The following SGMS1 variants were observed in gnomAD, a reference collection of about 807,000 sequenced individuals.
SGMS1 encodes the protein phosphatidylcholine:ceramide cholinephosphotransferase 1.
SGMS1 carries 13 observed loss-of-function variants against 46.2 expected under a neutral mutation model. That is an observed-to-expected ratio of 0.28 (90% CI 0.18 to 0.45). The LOEUF (loss-of-function observed/expected upper bound fraction) is 0.45. Among genes scored for constraint, SGMS1 ranks in the 20% least tolerant of loss-of-function variants. SGMS1 has a pLI of 1.00. For synonymous variants in SGMS1, 203 were observed against 187.8 expected (o/e 1.08, Z -0.66); for missense variants, 324 against 519.9 (o/e 0.62, Z 3.66).
chr10:50,318,642 A>C (rs1847388472), intron 8 of SGMS1, among the ~76,000 whole-genome samples: 2 of 152,182 alleles, frequency 1.3e-5, no homozygotes, highest in African/African-American at 4.8e-5. Flanking sequence ...TACATATAGT[A>C]ATCACTCCAC....
intron 2 of SGMS1, among the ~76,000 whole-genome samples, chr10:50,578,511 A>G (rs11006191): frequency 0.13 from 19,616 of 152,152 alleles, 1,659 homozygotes; most frequent in Non-Finnish European, 0.19. Flanking sequence ...GTATTTTAAC[A>G]CCTGAAATAA....
intron 3 of SGMS1, among the ~76,000 whole-genome samples, chr10:50,469,089 G>T (rs1380245805): frequency 6.6e-6 from 1 of 152,156 alleles, no homozygotes; most frequent in Non-Finnish European, 1.5e-5. Flanking sequence ...TTTGTCCAAG[G>T]TCAAACTTTG....
intron 1 of SGMS1, among the ~76,000 whole-genome samples, chr10:50,616,698 A>G (rs1346741045): frequency 6.6e-6 from 1 of 152,202 alleles, no homozygotes; most frequent in African/African-American, 2.4e-5. Context: ...CAAAACACCT[A>G]TTAGCCTCCC....
chr10:50,467,223 T>C (rs1425915644), intron 3 of SGMS1, among the ~76,000 whole-genome samples: 1 of 152,142 alleles, frequency 6.6e-6, no homozygotes. Flanking sequence ...CATGGACCTT[T>C]ATAAATTATC....
intron 3 of SGMS1, among the ~76,000 whole-genome samples, chr10:50,486,588 G>C (rs1181165575): frequency 6.6e-6 from 1 of 152,154 alleles, no homozygotes; most frequent in Admixed American, 6.5e-5. Context: ...TCATTAGAGA[G>C]ATGCAAATCA....
At chr10:50,480,053 C>T (rs1837462227) in intron 3 of SGMS1, among the ~76,000 whole-genome samples, 1 of 152,012 alleles carries the variant, frequency 6.6e-6, no homozygotes, top group Non-Finnish European at 1.5e-5. Context: ...ATTAGTTCTT[C>T]TTTCTCATCA....
intron 2 of SGMS1, among the ~76,000 whole-genome samples, chr10:50,576,732 G>A (rs1212803047): frequency 4.6e-5 from 7 of 151,870 alleles, no homozygotes; most frequent in Admixed American, 2.0e-4. Context: ...CCTTATTTCC[G>A]GAGAGCACTT....
rs74329610 is a variant in SGMS1, at chr10:50,598,323, C to T, written c.-683-8076G>A. On this transcript the variant is annotated intron_variant, in intron 1 of 10. Transcript: ENST00000361781. ...AGAACCCAATCATGCTAGCTGGCAC[C>T]CTCGGACTTCAAGTTTGCAGAACTC... Among the ~76,000 whole-genome samples the T allele has an allele frequency of 5.7e-3, 872 of 152,198 alleles. 6 individuals are homozygous for T. The highest frequency in any genetic ancestry group is 6.8e-3 in the Non-Finnish European group (461 of 68,010).
chr10:50,402,566 A>C (rs1460074354), intron 6 of SGMS1, among the ~76,000 whole-genome samples: 1 of 152,214 alleles, frequency 6.6e-6, no homozygotes, highest in Non-Finnish European at 1.5e-5. Flanking sequence ...CATATGTATG[A>C]ATAAGTATAT....
intron 2 of SGMS1, among the ~76,000 whole-genome samples, chr10:50,545,926 A>G (rs1260000897): frequency 6.6e-6 from 1 of 152,204 alleles, no homozygotes; most frequent in Non-Finnish European, 1.5e-5. Flanking sequence ...CATTCTGTGC[A>G]AAGGTTGCAC....
intron 1 of SGMS1, among the ~76,000 whole-genome samples, chr10:50,623,295 G>A (rs866983057): frequency 6.6e-6 from 1 of 152,128 alleles, no homozygotes; most frequent in African/African-American, 2.4e-5. Flanking sequence ...CCTGGGTGGG[G>A]GTCTCCGGAC....
At chr10:50,491,171 C>G (rs895347553) in intron 3 of SGMS1, among the ~76,000 whole-genome samples, 1 of 151,914 alleles carries the variant, frequency 6.6e-6, no homozygotes, top group African/African-American at 2.4e-5. Context: ...TGCAGGGAGG[C>G]CCCATCTTTA....
rs530077481 is a variant in SGMS1, at chr10:50,333,382, C to T, written c.624-6060G>A. On this transcript the variant is annotated intron_variant, in intron 7 of 10. Coordinates refer to ENST00000361781, the MANE Select transcript of SGMS1 (RefSeq NM_147156.4). ...TGCTTAAACCCTTTTATGTATCTGC[C>T]AGAGTTACTCTGCCCTGATGCTCAC... Among the ~76,000 whole-genome samples the T allele has an allele frequency of 5.9e-5, 9 of 152,254 alleles. No individual in the cohort carries two copies. In the South Asian group the frequency reaches 6.2e-4, roughly 11 times the overall value.
At chr10:50,513,258 C>T (rs909500597) in intron 3 of SGMS1, among the ~76,000 whole-genome samples, 1 of 152,114 alleles carries the variant, frequency 6.6e-6, no homozygotes, top group Admixed American at 6.6e-5. Flanking sequence ...AACTGGCAAC[C>T]GCAAGATGGT....
At chr10:50,563,743 A>C (rs988563050) in intron 2 of SGMS1, among the ~76,000 whole-genome samples, 1 of 39,178 alleles carries the variant, frequency 2.6e-5, no homozygotes, top group Non-Finnish European at 7.3e-5. Context: ...ACTCCGTCTC[A>C]AAAAAAAAAA....
At chr10:50,411,404 T>G (rs1279732683) in intron 6 of SGMS1, among the ~76,000 whole-genome samples, 1 of 152,240 alleles carries the variant, frequency 6.6e-6, no homozygotes, top group Admixed American at 6.5e-5. Context: ...AAAACAATTC[T>G]ATTTTTACAT....
At chr10:50,363,048 G>A (rs1158337682) in intron 6 of SGMS1, among the ~76,000 whole-genome samples, 4 of 151,904 alleles carry the variant, frequency 2.6e-5, no homozygotes, top group Non-Finnish European at 5.9e-5. Context: ...GGGTGAAAAG[G>A]GAAATAAAAA....
intron 3 of SGMS1, among the ~76,000 whole-genome samples, chr10:50,483,951 C>T (rs149087894): frequency 6.7e-4 from 102 of 151,992 alleles, no homozygotes; most frequent in African/African-American, 2.4e-3. Flanking sequence ...AGAAAGATCC[C>T]AAATTGACAT....
At chr10:50,462,242 AGAGT>A (rs1427216499) in intron 4 of SGMS1, among the ~76,000 whole-genome samples, 69 of 152,312 alleles carry the variant, frequency 4.5e-4, no homozygotes, top group African/African-American at 1.6e-3. Flanking sequence ...CCTGGGTGCC[AGAGT>A]GAGACCCTGT....
Sources: allele counts gnomAD v4.1 joint callset (sites outside exome capture counted in the v4.1 genomes callset), GRCh38; gene constraint gnomAD v4.1.1; transcripts MANE v1.5; gene names NCBI Gene and HGNC (gene_info 2026-07-23, HGNC 2026-07-21).